Variants in LURAP1L observed in about 807,000 individuals in gnomAD.
LURAP1L encodes the protein leucine rich adaptor protein 1 like, also known as leucine rich adaptor protein 1-like.
In LURAP1L, 12 loss-of-function variants were observed where a neutral mutation model predicts 13.8. The observed-to-expected ratio is 0.87, with a 90% CI of 0.56 to 1.41. The LOEUF (loss-of-function observed/expected upper bound fraction) is 1.41. Ranked by LOEUF, LURAP1L falls within the 40% of genes most tolerant of loss-of-function variation. The probability of loss-of-function intolerance (pLI) is 0.00; values close to 1 mark genes in which losing one functional copy is unlikely to be tolerated. For missense variants in LURAP1L, 375 were observed against 292.9 expected (o/e 1.28, Z -2.04); for synonymous variants, 139 against 119.2 (o/e 1.17, Z -1.08).
Position 12,775,881 on chromosome 9 carries a change from TGCAGTAGCAGCA to T in LURAP1L, c.171_182del (p.Ser58_Ser61del), listed in dbSNP as rs1819170412. On this transcript the variant is annotated inframe_deletion, in exon 1 of 2. Transcript: ENST00000319264. ...TGGTGGTGGCGGCGGCGGCGGCGGC[TGCAGTAGCAGCA>T]GCAGCTACTGCAGCTTCCCTCCCTC... 1 of 1,437,960 alleles carries T rather than the reference TGCAGTAGCAGCA, an allele frequency of 7.0e-7. No homozygotes were observed. The highest frequency in any genetic ancestry group is 9.2e-7 in the Non-Finnish European group (1 of 1,088,254). 89.1% of individuals were successfully genotyped at this position (1,437,960 alleles called of 1,614,324 possible).
chr9:12,793,967 T>G (rs867201316), intron 1 of LURAP1L, among the ~76,000 whole-genome samples: 1 of 152,104 alleles, frequency 6.6e-6, no homozygotes, highest in Non-Finnish European at 1.5e-5. Flanking sequence ...TTTTAAATAA[T>G]TATAGCACAA....
chr9:12,780,887 G>A (rs1449016300), intron 1 of LURAP1L, among the ~76,000 whole-genome samples: 3 of 152,016 alleles, frequency 2.0e-5, no homozygotes, highest in African/African-American at 7.2e-5. Flanking sequence ...CATTTTGTTT[G>A]TTTGTTTAAT....
rs1250179776 is a variant in LURAP1L, at chr9:12,808,370, C to CTATA, written c.313-13016_313-13015insTATA. On this transcript the variant is annotated intron_variant, in intron 1 of 1. Transcript: ENST00000319264. ...TATAACATAAAATATACTATTTTAACCACTTTTAAGTGTATAGTTCAGTGG... is the reference window on the plus strand; with the variant it reads ...TATAACATAAAATATACTATTTTAACTATACACTTTTAAGTGTATAGTTCAGTGG... Among the ~76,000 whole-genome samples the CTATA allele has an allele frequency of 4.6e-5, 7 of 152,020 alleles. No individual in the cohort carries two copies. In the South Asian group the frequency reaches 1.4e-3, roughly 31 times the overall value.
chr9:12,797,625 T>C (rs1819526697), intron 1 of LURAP1L, among the ~76,000 whole-genome samples: 1 of 152,090 alleles, frequency 6.6e-6, no homozygotes, highest in South Asian at 2.1e-4. Context: ...TTATTGTAAC[T>C]TTGTTTTTTT....
At chr9:12,793,735 G>A (rs968041178) in intron 1 of LURAP1L, among the ~76,000 whole-genome samples, 1 of 152,026 alleles carries the variant, frequency 6.6e-6, no homozygotes, top group Admixed American at 6.6e-5. Context: ...ATCCCATCTA[G>A]TCATAGTACA....
chr9:12,800,842 A>G (rs1282154726), intron 1 of LURAP1L, among the ~76,000 whole-genome samples: 2 of 152,136 alleles, frequency 1.3e-5, no homozygotes, highest in Non-Finnish European at 2.9e-5. Context: ...ACCCCGTCTC[A>G]GGTATTTCTT....
intron 1 of LURAP1L, among the ~76,000 whole-genome samples, chr9:12,776,459 T>A (rs1209358274): frequency 1.3e-5 from 2 of 152,052 alleles, no homozygotes; most frequent in Non-Finnish European, 2.9e-5. Context: ...CAAAAATACT[T>A]CCTGGTTTGC....
At chr9:12,807,131 G>C (rs1324861274) in intron 1 of LURAP1L, among the ~76,000 whole-genome samples, 4 of 132,182 alleles carry the variant, frequency 3.0e-5, no homozygotes, top group Admixed American at 8.7e-5. Context: ...GCCGGGCGTG[G>C]TGGCAGGCGC....
intron 1 of LURAP1L, among the ~76,000 whole-genome samples, chr9:12,793,172 C>G (rs1389668245): frequency 6.6e-6 from 1 of 151,950 alleles, no homozygotes; most frequent in Non-Finnish European, 1.5e-5. Flanking sequence ...ATCCCCCTCC[C>G]TCCAATTATC....
chr9:12,792,113 A>G (rs1819448494), intron 1 of LURAP1L, among the ~76,000 whole-genome samples: 1 of 152,126 alleles, frequency 6.6e-6, no homozygotes, highest in Admixed American at 6.6e-5. Context: ...GTTCTCACAA[A>G]TCATCTTTTC....
intron 1 of LURAP1L, among the ~76,000 whole-genome samples, chr9:12,815,784 A>C (rs751069005): frequency 6.6e-6 from 1 of 152,196 alleles, no homozygotes; most frequent in Non-Finnish European, 1.5e-5. Context: ...TATATTCAGC[A>C]GCTCATGTGC....
At chr9:12,811,795 T>C (rs1265804628) in intron 1 of LURAP1L, among the ~76,000 whole-genome samples, 1 of 152,158 alleles carries the variant, frequency 6.6e-6, no homozygotes, top group Non-Finnish European at 1.5e-5. Flanking sequence ...ATGTATTATC[T>C]CACAGTTCTA....
chr9:12,814,569 G>C (rs7859336), intron 1 of LURAP1L, among the ~76,000 whole-genome samples: 19,775 of 152,092 alleles, frequency 0.13, 1,477 homozygotes, highest in East Asian at 0.32. Flanking sequence ...ATACTGAAAA[G>C]CTGCATGTAT....
intron 1 of LURAP1L, among the ~76,000 whole-genome samples, chr9:12,798,390 C>G (rs1819538029): frequency 6.6e-6 from 1 of 152,150 alleles, no homozygotes; most frequent in Admixed American, 6.5e-5. Flanking sequence ...ATGAAACATA[C>G]TAGCAAACTA....
At chr9:12,788,064 G>A (rs932203105) in intron 1 of LURAP1L, among the ~76,000 whole-genome samples, 27 of 151,226 alleles carry the variant, frequency 1.8e-4, no homozygotes, top group African/African-American at 4.4e-4. Context: ...ATGAACCAAC[G>A]TGGCACCAAT....
intron 1 of LURAP1L, among the ~76,000 whole-genome samples, chr9:12,797,145 C>T (rs1819521290): frequency 6.6e-6 from 1 of 151,996 alleles, no homozygotes; most frequent in African/African-American, 2.4e-5. Flanking sequence ...ACCCCCACTA[C>T]CTCTGAAATG....
intron 1 of LURAP1L, among the ~76,000 whole-genome samples, chr9:12,813,196 G>A (rs1269191630): frequency 6.6e-6 from 1 of 151,986 alleles, no homozygotes; most frequent in Non-Finnish European, 1.5e-5. Flanking sequence ...TAAATTTTCA[G>A]GAGTTTTGTG....
intron 1 of LURAP1L, among the ~76,000 whole-genome samples, chr9:12,802,058 G>A (rs145980461): frequency 3.9e-5 from 6 of 152,316 alleles, no homozygotes; most frequent in African/African-American, 1.4e-4. Flanking sequence ...CATTCCAGAA[G>A]GAGATATACA....
At chr9:12,814,667 A>G (rs76593376) in intron 1 of LURAP1L, among the ~76,000 whole-genome samples, 2,946 of 152,314 alleles carry the variant, frequency 0.019, 112 homozygotes, top group African/African-American at 0.068. Flanking sequence ...TATGATTCAC[A>G]GGAGTCACAT....
Sources: gnomAD v4.1 joint callset for allele counts (sites outside exome capture counted in the v4.1 genomes callset) on GRCh38, gnomAD v4.1.1 for gene constraint, MANE v1.5 for transcripts, NCBI Gene and HGNC (gene_info 2026-07-23, HGNC 2026-07-21) for gene names.